Variants in KCNAB1 observed in about 807,000 individuals in gnomAD.
The protein encoded by KCNAB1 is voltage-gated potassium channel subunit beta-1.
KCNAB1 carries 35 observed loss-of-function variants against 64.6 expected under a neutral mutation model. That is an observed-to-expected ratio of 0.54 (90% CI 0.41 to 0.72). The LOEUF is 0.72. Ranked by LOEUF, KCNAB1 falls within the 30% of genes least tolerant of loss-of-function variation. The probability of loss-of-function intolerance (pLI) is 0.00; values close to 1 mark genes in which losing one functional copy is unlikely to be tolerated. For missense variants in KCNAB1, 401 were observed against 512.9 expected (o/e 0.78, Z 2.11); for synonymous variants, 177 against 183.8 (o/e 0.96, Z 0.30).
chr3:156,219,766 G>A (rs935233565), intron 1 of KCNAB1, among the ~76,000 whole-genome samples: 1 of 151,124 alleles, frequency 6.6e-6, no homozygotes, highest in Non-Finnish European at 1.5e-5. Flanking sequence ...TGTGAACAAC[G>A]TGCAGGTTTG....
chr3:156,249,562 A>AAAAAAAAG (rs1241890639), intron 1 of KCNAB1, among the ~76,000 whole-genome samples: 136 of 8,204 alleles, frequency 0.017, no homozygotes, highest in African/African-American at 0.16. Context: ...ACTCTGTCTA[A>AAAAAAAAG]AAAAAAAAGA....
chr3:156,240,429 T>C (rs1717094489), intron 1 of KCNAB1, among the ~76,000 whole-genome samples: 1 of 152,182 alleles, frequency 6.6e-6, no homozygotes, highest in African/African-American at 2.4e-5. Context: ...AGAGTTTATA[T>C]ATGAAAATAC....
At chr3:156,294,707 C>G (rs531619393) in intron 1 of KCNAB1, among the ~76,000 whole-genome samples, 1 of 152,170 alleles carries the variant, frequency 6.6e-6, no homozygotes, top group Admixed American at 6.5e-5. Flanking sequence ...TAACTAAAAT[C>G]GAAAGTTAGT....
intron 1 of KCNAB1, among the ~76,000 whole-genome samples, chr3:156,284,400 G>T (rs1576676705): frequency 6.6e-6 from 1 of 152,248 alleles, no homozygotes; most frequent in Admixed American, 6.5e-5. Context: ...TAAGTCTGCA[G>T]AAGTTACTGC....
At chr3:156,176,651 A>C (rs1712392332) in intron 1 of KCNAB1, 1 of 1,039,346 alleles carries the variant, frequency 9.6e-7, no homozygotes, top group Admixed American at 1.7e-5. Flanking sequence ...CAGTCGGTCA[A>C]ATCCTGCAGA....
At chr3:156,159,793 A>G (rs1322178435) in intron 1 of KCNAB1, among the ~76,000 whole-genome samples, 1 of 152,146 alleles carries the variant, frequency 6.6e-6, no homozygotes, top group Admixed American at 6.5e-5. Context: ...AGTTTAATCA[A>G]AGGCTTTTGA....
At chr3:156,438,168 G>A (rs1329852169) in intron 2 of KCNAB1, among the ~76,000 whole-genome samples, 2 of 152,212 alleles carry the variant, frequency 1.3e-5, no homozygotes, top group African/African-American at 4.8e-5. Flanking sequence ...CTGTGCAGCT[G>A]AAAGGTGGCC....
chr3:156,287,784 G>C (rs926491345), intron 1 of KCNAB1, among the ~76,000 whole-genome samples: 5 of 150,864 alleles, frequency 3.3e-5, no homozygotes, highest in Admixed American at 1.3e-4. Context: ...GGGTGGCAGA[G>C]TGAGACTCCA....
At chr3:156,118,611 T>G (rs1239515608), upstream of KCNAB1, among the ~76,000 whole-genome samples, 2 of 152,182 alleles carry the variant, frequency 1.3e-5, no homozygotes, top group African/African-American at 4.8e-5. Flanking sequence ...GTTAAGAAAT[T>G]TGTCTAGGAT....
At chr3:156,523,073 A>G (rs1450175486) in intron 11 of KCNAB1, among the ~76,000 whole-genome samples, 2 of 152,210 alleles carry the variant, frequency 1.3e-5, no homozygotes, top group East Asian at 3.8e-4. Context: ...CTTTATATTT[A>G]GGAAATTAGG....
At chr3:156,398,043 A>C (rs1436164665) in intron 1 of KCNAB1, among the ~76,000 whole-genome samples, 3 of 152,232 alleles carry the variant, frequency 2.0e-5, no homozygotes, top group Admixed American at 1.3e-4. Flanking sequence ...ATGTACCACT[A>C]TGCTCATATT....
At chr3:156,439,895 T>A (rs1371710915) in intron 2 of KCNAB1, among the ~76,000 whole-genome samples, 3 of 152,372 alleles carry the variant, frequency 2.0e-5, no homozygotes, top group African/African-American at 4.8e-5. Flanking sequence ...TCTCCCATTG[T>A]GTATTCAGGT....
intron 1 of KCNAB1, among the ~76,000 whole-genome samples, chr3:156,144,458 A>G (rs1714922099): frequency 6.6e-6 from 1 of 152,252 alleles, no homozygotes; most frequent in African/African-American, 2.4e-5. Context: ...ATGTAATAAA[A>G]GGGTTGTGCA....
intron 2 of KCNAB1, among the ~76,000 whole-genome samples, chr3:156,439,224 ATTTT>A (rs56259743): frequency 0.22 from 25,610 of 115,018 alleles, 2,506 homozygotes; most frequent in African/African-American, 0.38. Flanking sequence ...CATCATTGTG[ATTTT>A]TTTTTTTTTT....
intron 1 of KCNAB1, among the ~76,000 whole-genome samples, chr3:156,125,227 T>C (rs1011067841): frequency 2.0e-5 from 3 of 152,032 alleles, no homozygotes; most frequent in African/African-American, 7.2e-5. Context: ...CTCTGTAAAA[T>C]AGGGCTTGAG....
At chr3:156,512,233 C>G (rs1717260777) in intron 8 of KCNAB1, among the ~76,000 whole-genome samples, 1 of 152,224 alleles carries the variant, frequency 6.6e-6, no homozygotes, top group Non-Finnish European at 1.5e-5. Context: ...ATCCAGCAAC[C>G]AGCACAGTGA....
At position 156,143,569 on chromosome 3, in the gene KCNAB1, G is replaced by GTTTTTTTGTTTTTTTT. The variant is rs1553807970; in HGVS notation, c.275+22690_275+22691insGTTTTTTTTTTTTTTT. ...AGCCCTCTTCTTGGGTTGCATTCTTGTTTTTTTTTTTTTTTTTTTTTTTTT... is the reference window on the plus strand; with the variant it reads ...AGCCCTCTTCTTGGGTTGCATTCTTGTTTTTTTGTTTTTTTTTTTTTTTTTTTTTTTTTTTTTTTTT... On this transcript the variant is annotated intron_variant, in intron 1 of 13. Coordinates refer to ENST00000490337, the MANE Select transcript of KCNAB1 (RefSeq NM_172160.3). The GTTTTTTTGTTTTTTTT allele has an allele frequency of 6.1e-5, 18 of 297,036 alleles. 1 individual carries two copies. The highest frequency in any genetic ancestry group is 4.8e-5 in the East Asian group (1 of 20,632). The allele number at this position is 297,036 out of a possible 1,614,324, so 18.4% of individuals were successfully genotyped here.
At chr3:156,224,868 A>G (rs987473309) in intron 1 of KCNAB1, among the ~76,000 whole-genome samples, 6 of 152,226 alleles carry the variant, frequency 3.9e-5, no homozygotes, top group African/African-American at 1.4e-4. Flanking sequence ...GGATTAAATG[A>G]GGAAGATATA....
chr3:156,398,306 T>C (rs1184306011), intron 1 of KCNAB1, among the ~76,000 whole-genome samples: 1 of 151,950 alleles, frequency 6.6e-6, no homozygotes, highest in Non-Finnish European at 1.5e-5. Context: ...ACCTAGATGA[T>C]AGGGGGCCAG....
Sources: gnomAD v4.1 joint callset for allele counts (sites outside exome capture counted in the v4.1 genomes callset) on GRCh38, gnomAD v4.1.1 for gene constraint, MANE v1.5 for transcripts, NCBI Gene and HGNC (gene_info 2026-07-23, HGNC 2026-07-21) for gene names.